ANXA8: variants seen among roughly 807,000 people sequenced by gnomAD.
The protein encoded by ANXA8 is annexin A8, also known as VAC-beta.
ANXA8 carries 9 observed loss-of-function variants against 26.8 expected under a neutral mutation model. The observed-to-expected ratio is 0.34, with a 90% CI of 0.20 to 0.59. The LOEUF (loss-of-function observed/expected upper bound fraction) is 0.59, where lower values mean the gene tolerates loss of function less well. ANXA8 is among the 20% of genes least tolerant of loss of function. The pLI is 0.84. For missense variants in ANXA8, 83 were observed against 238.5 expected (o/e 0.35, Z 4.29); for synonymous variants, 39 against 94.8 (o/e 0.41, Z 3.42).
the ANXA8 span, among the ~76,000 whole-genome samples, chr10:47,894,182 G>A: frequency 3.5e-5 from 4 of 114,030 alleles, no homozygotes; most frequent in Admixed American, 8.6e-5. Context: ...GGGGGTGCTC[G>A]CTTTTTTGAA....
At chr10:47,648,700 A>G in the ANXA8 span, among the ~76,000 whole-genome samples, 1 of 91,988 alleles carries the variant, frequency 1.1e-5, no homozygotes, top group Non-Finnish European at 1.9e-5. Flanking sequence ...ATTTTCTGAA[A>G]AAGTAGCTTA....
At chr10:47,561,898 T>C in the ANXA8 span, among the ~76,000 whole-genome samples, 1 of 150,968 alleles carries the variant, frequency 6.6e-6, no homozygotes, top group Admixed American at 6.6e-5. Context: ...GGTGCTCTTT[T>C]AAATACAGTG....
At chr10:47,677,359 G>A in the ANXA8 span, among the ~76,000 whole-genome samples, 21 of 152,202 alleles carry the variant, frequency 1.4e-4, no homozygotes, top group South Asian at 1.7e-3. Flanking sequence ...GGGATTAACC[G>A]CTACGAGAAT....
the ANXA8 span, among the ~76,000 whole-genome samples, chr10:47,493,006 C>T: frequency 6.6e-6 from 1 of 151,470 alleles, no homozygotes; most frequent in Non-Finnish European, 1.5e-5. Flanking sequence ...TGCATTCCTG[C>T]ATGGTGTTTG....
At chr10:47,535,041 C>T in the ANXA8 span, among the ~76,000 whole-genome samples, 1 of 110,242 alleles carries the variant, frequency 9.1e-6, no homozygotes, top group Non-Finnish European at 1.7e-5. Flanking sequence ...CTGGTATGAT[C>T]TCGGCTCACT....
the ANXA8 span, among the ~76,000 whole-genome samples, chr10:47,902,365 AT>A: frequency 7.9e-6 from 1 of 126,212 alleles, no homozygotes; most frequent in African/African-American, 3.0e-5. Context: ...CAGGCAAAAA[AT>A]ATATGTTGAC....
At chr10:47,986,563 G>T in the ANXA8 span, 17 of 354,000 alleles carry the variant, frequency 4.8e-5, no homozygotes, top group East Asian at 1.3e-3. Flanking sequence ...GGCCAGGGCG[G>T]TGCAGCAGTG....
the ANXA8 span, among the ~76,000 whole-genome samples, chr10:47,491,899 CCT>C: frequency 1.4e-5 from 2 of 147,320 alleles, no homozygotes; most frequent in Admixed American, 1.4e-4. Context: ...CTTCTGTAAC[CCT>C]GTCCTAGGGA....
At chr10:47,561,347 ATC>A in the ANXA8 span, among the ~76,000 whole-genome samples, 1 of 151,440 alleles carries the variant, frequency 6.6e-6, no homozygotes, top group Non-Finnish European at 1.5e-5. Context: ...AGCTCAAGTG[ATC>A]CTCCCACCTC....
chr10:47,560,465 A>C, the ANXA8 span, among the ~76,000 whole-genome samples: 1 of 151,698 alleles, frequency 6.6e-6, no homozygotes, highest in Admixed American at 6.6e-5. Flanking sequence ...AAGTAATGAA[A>C]CCAAGGTTTA....
At chr10:47,949,350 T>A in the ANXA8 span, among the ~76,000 whole-genome samples, 1 of 149,598 alleles carries the variant, frequency 6.7e-6, no homozygotes, top group Non-Finnish European at 1.5e-5. Flanking sequence ...CAACCCCTTA[T>A]AAGAGACAAG....
the ANXA8 span, among the ~76,000 whole-genome samples, chr10:47,605,907 CA>C: frequency 7.6e-6 from 1 of 131,242 alleles, no homozygotes; most frequent in Non-Finnish European, 1.6e-5. Flanking sequence ...AAAAACTGAA[CA>C]AAAATGACTT....
the ANXA8 span, among the ~76,000 whole-genome samples, chr10:47,530,011 CTT>C: frequency 7.6e-6 from 1 of 130,918 alleles, no homozygotes; most frequent in South Asian, 2.5e-4. Flanking sequence ...ATGTTTATCT[CTT>C]TGGGGATGGG....
the ANXA8 span, among the ~76,000 whole-genome samples, chr10:47,658,817 A>ACAGTGAAGTGT: frequency 7.0e-6 from 1 of 142,000 alleles, no homozygotes; most frequent in African/African-American, 2.9e-5. Context: ...GGCTGCTGTA[A>ACAGTGAAGTGT]CAGTGAAGTG....
chr10:47,495,085 C>T, the ANXA8 span, among the ~76,000 whole-genome samples: 1 of 150,530 alleles, frequency 6.6e-6, no homozygotes, highest in Non-Finnish European at 1.5e-5. Context: ...CTCCCACCTC[C>T]TATGACGTCC....
At chr10:47,591,697 C>T in the ANXA8 span, among the ~76,000 whole-genome samples, 1 of 136,276 alleles carries the variant, frequency 7.3e-6, no homozygotes, top group Non-Finnish European at 1.5e-5. Context: ...CCGCCCACCT[C>T]GGCCTCCCAA....
the ANXA8 span, among the ~76,000 whole-genome samples, chr10:47,747,091 C>T: frequency 7.0e-6 from 1 of 142,864 alleles, no homozygotes; most frequent in Non-Finnish European, 1.5e-5. Context: ...AGAAGAAAAA[C>T]ACAAGGAGGC....
the ANXA8 span, among the ~76,000 whole-genome samples, chr10:47,592,471 C>T: frequency 6.7e-6 from 1 of 149,228 alleles, no homozygotes; most frequent in East Asian, 1.9e-4. Flanking sequence ...GATTAAGTTG[C>T]ATCTGGTCCA....
chr10:47,639,831 G>GC, the ANXA8 span, among the ~76,000 whole-genome samples: 6 of 141,396 alleles, frequency 4.2e-5, no homozygotes, highest in East Asian at 2.2e-4. Context: ...AGGCTGGAGT[G>GC]CAGTGGCATT....
Sources: allele counts gnomAD v4.1 joint callset (sites outside exome capture counted in the v4.1 genomes callset), GRCh38; gene constraint gnomAD v4.1.1; transcripts MANE v1.5; gene names NCBI Gene and HGNC (gene_info 2026-07-23, HGNC 2026-07-21).